GPHN: variants seen among roughly 807,000 people sequenced by gnomAD.
The protein encoded by GPHN is gephyrin.
Under a neutral mutation model 95.5 loss-of-function variants are expected in GPHN, and 17 were observed. That is an observed-to-expected ratio of 0.18 (90% CI 0.12 to 0.27). The LOEUF is 0.27. Among genes scored for constraint, GPHN ranks in the 10% least tolerant of loss-of-function variants. GPHN has a pLI of 1.00. For synonymous variants in GPHN, 320 were observed against 322.5 expected (o/e 0.99, Z 0.08); for missense variants, 660 against 978.1 (o/e 0.67, Z 4.34).
intron 2 of GPHN, among the ~76,000 whole-genome samples, chr14:66,731,820 C>T (rs1002870097): frequency 5.3e-5 from 8 of 152,142 alleles, no homozygotes; most frequent in African/African-American, 1.7e-4. Flanking sequence ...AAAATGGTTT[C>T]GTGGGCTGGG....
chr14:66,708,764 A>G (rs943665618), intron 2 of GPHN, among the ~76,000 whole-genome samples: 2 of 152,118 alleles, frequency 1.3e-5, no homozygotes, highest in African/African-American at 4.8e-5. Flanking sequence ...TTCTAGTTAC[A>G]TAGTTTTCAC....
the GPHN span, among the ~76,000 whole-genome samples, chr14:67,506,906 C>G: frequency 3.3e-5 from 5 of 152,270 alleles, no homozygotes; most frequent in Admixed American, 3.3e-4. Flanking sequence ...ATGGCTTGAA[C>G]ACAGGAGGCA....
intron 1 of GPHN, among the ~76,000 whole-genome samples, chr14:66,547,013 A>G (rs902235404): frequency 4.6e-5 from 7 of 151,880 alleles, no homozygotes; most frequent in Admixed American, 6.6e-5. Flanking sequence ...AAGTGTACAG[A>G]GTGCTGTAGA....
chr14:67,324,314 T>A, the GPHN span, among the ~76,000 whole-genome samples: 3 of 152,228 alleles, frequency 2.0e-5, no homozygotes, highest in Non-Finnish European at 2.9e-5. Flanking sequence ...TAAACATTAA[T>A]AATTGACTGA....
At chr14:67,171,442 C>T (rs887657047) in intron 21 of GPHN, among the ~76,000 whole-genome samples, 2 of 151,838 alleles carry the variant, frequency 1.3e-5, no homozygotes, top group Non-Finnish European at 2.9e-5. Context: ...AATTATTGAC[C>T]CCGTGTTTCC....
At chr14:66,954,516 A>G (rs1463804641) in intron 8 of GPHN, among the ~76,000 whole-genome samples, 1 of 152,114 alleles carries the variant, frequency 6.6e-6, no homozygotes, top group East Asian at 1.9e-4. Flanking sequence ...TATTAGCTCT[A>G]CTTGTTCTTT....
At chr14:66,930,724 C>G (rs2066744968) in intron 8 of GPHN, among the ~76,000 whole-genome samples, 1 of 152,084 alleles carries the variant, frequency 6.6e-6, no homozygotes. Flanking sequence ...CAGGGTTTCA[C>G]TATTTTGCCC....
chr14:67,579,222 A>G, the GPHN span: 22 of 1,611,256 alleles, frequency 1.4e-5, no homozygotes, highest in African/African-American at 5.3e-5. Flanking sequence ...GCCATCGCGC[A>G]TGGAAGTGGT....
At chr14:67,140,778 A>T (rs1254161391) in intron 17 of GPHN, among the ~76,000 whole-genome samples, 1 of 152,244 alleles carries the variant, frequency 6.6e-6, no homozygotes, top group Non-Finnish European at 1.5e-5. Flanking sequence ...AACTCTGGGC[A>T]TCAGGAACCC....
intron 20 of GPHN, among the ~76,000 whole-genome samples, chr14:67,166,816 C>T (rs1291137442): frequency 6.6e-6 from 1 of 152,144 alleles, no homozygotes; most frequent in Non-Finnish European, 1.5e-5. Flanking sequence ...ACTATAGGCG[C>T]TTGCTACCAC....
chr14:67,402,134 A>AAAC, the GPHN span, among the ~76,000 whole-genome samples: 1 of 152,170 alleles, frequency 6.6e-6, no homozygotes, highest in Non-Finnish European at 1.5e-5. Flanking sequence ...AGTCCATCTC[A>AAAC]AACAACAACA....
At chr14:66,981,250 C>T (rs1056169063) in intron 9 of GPHN, among the ~76,000 whole-genome samples, 5 of 152,028 alleles carry the variant, frequency 3.3e-5, no homozygotes, top group Admixed American at 6.6e-5. Context: ...TTTTCCTTGA[C>T]ACATTTGTAT....
the GPHN span, among the ~76,000 whole-genome samples, chr14:67,537,165 T>C: frequency 6.9e-6 from 1 of 144,188 alleles, no homozygotes; most frequent in African/African-American, 2.6e-5. Context: ...GGCACCATGG[T>C]GAAACCCTGT....
chr14:66,919,295 A>C (rs2066079643), intron 6 of GPHN, among the ~76,000 whole-genome samples: 1 of 152,212 alleles, frequency 6.6e-6, no homozygotes, highest in South Asian at 2.1e-4. Flanking sequence ...CTTCAGTACC[A>C]ATAAATCTTT....
chr14:67,510,068 G>C, the GPHN span, among the ~76,000 whole-genome samples: 1 of 152,034 alleles, frequency 6.6e-6, no homozygotes, highest in African/African-American at 2.4e-5. Context: ...TCAAATCCCA[G>C]TTTAGACACT....
At chr14:67,454,931 C>A in the GPHN span, among the ~76,000 whole-genome samples, 3 of 151,874 alleles carry the variant, frequency 2.0e-5, no homozygotes, top group Admixed American at 2.0e-4. Context: ...TAGAGTGCAA[C>A]CTCTGCCTCC....
intron 4 of GPHN, among the ~76,000 whole-genome samples, chr14:66,851,465 G>T (rs1372658779): frequency 6.6e-6 from 1 of 151,960 alleles, no homozygotes; most frequent in Non-Finnish European, 1.5e-5. Flanking sequence ...TTTGTGTCTG[G>T]ATTCTTTTGT....
chr14:67,347,502 CTTT>C, the GPHN span: 164 of 1,111,880 alleles, frequency 1.5e-4, no homozygotes, highest in South Asian at 2.7e-4. Flanking sequence ...TAAGTTCTCT[CTTT>C]TTTTTTTTTT....
intron 10 of GPHN, among the ~76,000 whole-genome samples, chr14:67,049,961 C>G (rs528134797): frequency 2.0e-5 from 3 of 152,248 alleles, no homozygotes; most frequent in Non-Finnish European, 4.4e-5. Flanking sequence ...ACAACCCTAC[C>G]TGCTGATGTG....
Sources: allele counts gnomAD v4.1 joint callset (sites outside exome capture counted in the v4.1 genomes callset), GRCh38; gene constraint gnomAD v4.1.1; transcripts MANE v1.5; gene names NCBI Gene and HGNC (gene_info 2026-07-23, HGNC 2026-07-21).